PTPRR: variants seen among roughly 807,000 people sequenced by gnomAD.
PTPRR encodes receptor-type tyrosine-protein phosphatase R.
In PTPRR, 38 loss-of-function variants were observed where a neutral mutation model predicts 77.2. The observed-to-expected ratio is 0.49, with a 90% confidence interval of 0.38 to 0.65. The LOEUF (loss-of-function observed/expected upper bound fraction) is 0.65, where lower values mean the gene tolerates loss of function less well. Among genes scored for constraint, PTPRR ranks in the 30% least tolerant of loss-of-function variants. The pLI is 0.00. For missense variants in PTPRR, 744 were observed against 799.2 expected (o/e 0.93, Z 0.83); for synonymous variants, 299 against 283.1 (o/e 1.06, Z -0.57).
intron 6 of PTPRR, among the ~76,000 whole-genome samples, chr12:70,741,748 G>T (rs1890053332): frequency 6.6e-6 from 1 of 152,152 alleles, no homozygotes; most frequent in South Asian, 2.1e-4. Flanking sequence ...GGAGGGTGAA[G>T]TGTTAGAACG....
At chr12:70,879,698 A>C (rs1384513689) in intron 2 of PTPRR, among the ~76,000 whole-genome samples, 1 of 152,134 alleles carries the variant, frequency 6.6e-6, no homozygotes, top group Non-Finnish European at 1.5e-5. Context: ...TCTCCCTGTA[A>C]GGGGAGTTCT....
chr12:70,804,926 A>G (rs1891682760), intron 2 of PTPRR, among the ~76,000 whole-genome samples: 1 of 152,212 alleles, frequency 6.6e-6, no homozygotes, highest in African/African-American at 2.4e-5. Context: ...AAACAGTATA[A>G]AGAAATAAAG....
At chr12:70,820,362 C>T (rs1465934182) in intron 2 of PTPRR, among the ~76,000 whole-genome samples, 1 of 152,150 alleles carries the variant, frequency 6.6e-6, no homozygotes, top group Non-Finnish European at 1.5e-5. Flanking sequence ...TGGAGTCTCA[C>T]TCTGTCGCCC....
chr12:70,669,559 T>TACACACACACACACACAC (rs566522694), intron 10 of PTPRR, among the ~76,000 whole-genome samples: 6 of 141,726 alleles, frequency 4.2e-5, no homozygotes, highest in East Asian at 2.0e-4. Context: ...ATATATGTTA[T>TACACACACACACACACAC]ACACACACAC....
intron 6 of PTPRR, among the ~76,000 whole-genome samples, chr12:70,732,220 G>A (rs761690653): frequency 2.0e-5 from 3 of 152,164 alleles, no homozygotes; most frequent in African/African-American, 4.8e-5. Flanking sequence ...ATTAAGGTGG[G>A]TTTAAAATTC....
chr12:70,763,924 C>G (rs934626505), intron 3 of PTPRR, among the ~76,000 whole-genome samples: 6 of 151,842 alleles, frequency 4.0e-5, no homozygotes, highest in Admixed American at 3.9e-4. Flanking sequence ...TTCCCAAACA[C>G]CGAGGAAAGA....
At chr12:70,774,089 T>C (rs530696018) in intron 2 of PTPRR, among the ~76,000 whole-genome samples, 1 of 152,328 alleles carries the variant, frequency 6.6e-6, no homozygotes, top group African/African-American at 2.4e-5. Context: ...GAAGCTGCCA[T>C]TAAAGATGAG....
intron 6 of PTPRR, among the ~76,000 whole-genome samples, chr12:70,732,382 G>A (rs1435056413): frequency 6.6e-6 from 1 of 152,162 alleles, no homozygotes; most frequent in Non-Finnish European, 1.5e-5. Flanking sequence ...TCACAGCAGG[G>A]ACCGTGAGGG....
At chr12:70,737,302 GC>G (rs1383434574) in intron 6 of PTPRR, among the ~76,000 whole-genome samples, 1 of 151,916 alleles carries the variant, frequency 6.6e-6, no homozygotes, top group African/African-American at 2.4e-5. Flanking sequence ...TGCTTGCCCT[GC>G]TTTCCTAATA....
intron 6 of PTPRR, among the ~76,000 whole-genome samples, chr12:70,720,764 G>A (rs1212270447): frequency 6.6e-6 from 1 of 152,082 alleles, no homozygotes; most frequent in African/African-American, 2.4e-5. Context: ...TTACAGGCGT[G>A]AGCCACCACA....
rs535487929 is a variant in PTPRR at position 70,742,780 on chromosome 12, G to A, written c.1007+3038C>T. Among the ~76,000 whole-genome samples, 52 of 152,234 alleles carry A rather than the reference G, an allele frequency of 3.4e-4. 1 individual carries two copies. Among genetic ancestry groups the A allele is most frequent in the African/African-American group, 1.1e-3 (47 of 41,542 alleles). ...GTTCTCAGTGGGATTGGGGTTGGAC[G>A]GGGGAAACAGTTGGGAGAAGGTGCC... On this transcript the variant is annotated intron_variant, in intron 6 of 13. Transcript: ENST00000283228.
intron 8 of PTPRR, 48 bp downstream of exon 8, chr12:70,698,217 C>A: frequency 6.6e-7 from 1 of 1,526,156 alleles, no homozygotes; most frequent in Admixed American, 1.7e-5. Context: ...ATGGCTATCC[C>A]TCCCCTTGCC....
intron 2 of PTPRR, among the ~76,000 whole-genome samples, chr12:70,882,250 G>A (rs1473259844): frequency 6.6e-6 from 1 of 152,146 alleles, no homozygotes; most frequent in Non-Finnish European, 1.5e-5. Context: ...TAGCCCTGGA[G>A]GTATTTCCTT....
At chr12:70,773,284 C>T (rs1891020224) in intron 2 of PTPRR, among the ~76,000 whole-genome samples, 1 of 152,130 alleles carries the variant, frequency 6.6e-6, no homozygotes, top group Non-Finnish European at 1.5e-5. Context: ...AGAACTTCAA[C>T]ATATGAATTC....
intron 2 of PTPRR, among the ~76,000 whole-genome samples, chr12:70,848,281 T>C (rs1197339346): frequency 1.3e-5 from 2 of 152,212 alleles, no homozygotes; most frequent in South Asian, 2.1e-4. Flanking sequence ...TTTATTCTCA[T>C]AGTATTATTC....
rs1890206297 is a variant in PTPRR at position 70,746,055 on chromosome 12, A to C, written c.770T>G (p.Leu257Arg). ...ILYRLKERFQ[L>R]SLRQDKEKNQ... Reference sequence around the variant, plus strand: ...TTTCTCTTTGTCTTGTCTTAAGGAAAGCTGAAATCTTTCTTTTAATCTGTA... The same window carrying C: ...TTTCTCTTTGTCTTGTCTTAAGGAACGCTGAAATCTTTCTTTTAATCTGTA... Residue 257 changes from leucine to arginine, a missense_variant, in exon 6 of 14, where the codon CTT (leucine) becomes CGT (arginine). By Grantham distance (102) the Leu-to-Arg change is moderately radical. Transcript: ENST00000283228. The C allele has an allele frequency of 1.2e-6, 2 of 1,612,952 alleles. No homozygotes were observed. The highest frequency in any genetic ancestry group is 8.5e-7 in the Non-Finnish European group (1 of 1,179,226).
chr12:70,672,435 C>T, intron 10 of PTPRR: 4 of 1,103,772 alleles, frequency 3.6e-6, no homozygotes, highest in Non-Finnish European at 4.2e-6. Context: ...GCAAGCACAT[C>T]AAGGCCACAG....
intron 2 of PTPRR, among the ~76,000 whole-genome samples, chr12:70,860,215 C>A (rs1363285666): frequency 6.6e-6 from 1 of 152,090 alleles, no homozygotes; most frequent in African/African-American, 2.4e-5. Flanking sequence ...TAGAGTCAAA[C>A]TAAGGAAATG....
intron 1 of PTPRR, among the ~76,000 whole-genome samples, chr12:70,914,162 T>C (rs914701267): frequency 4.6e-5 from 7 of 152,092 alleles, no homozygotes; most frequent in South Asian, 4.1e-4. Flanking sequence ...TTAAGAGAAA[T>C]AGAACAGTAT....
Sources: gnomAD v4.1 joint callset for allele counts (sites outside exome capture counted in the v4.1 genomes callset) on GRCh38, gnomAD v4.1.1 for gene constraint, MANE v1.5 for transcripts, NCBI Gene and HGNC (gene_info 2026-07-23, HGNC 2026-07-21) for gene names.